Variants in CRMP1 observed in about 807,000 individuals in gnomAD.
CRMP1 encodes collapsin response mediator protein 1, also known as dihydropyrimidinase-related protein 1.
Under a neutral mutation model 68.3 loss-of-function variants are expected in CRMP1, and 19 were observed. The observed-to-expected ratio is 0.28, with a 90% CI of 0.19 to 0.41. CRMP1 has a LOEUF of 0.41. CRMP1 is among the 10% of genes least tolerant of loss of function. The pLI is 1.00. For synonymous variants in CRMP1, 439 were observed against 399.6 expected (o/e 1.10, Z -1.18); for missense variants, 791 against 967.4 (o/e 0.82, Z 2.42).
At position 5,865,701 on chromosome 4, in the gene CRMP1, T is replaced by A. The variant is rs1009299851; in HGVS notation, c.470+967A>T. The stretch of plus-strand genomic sequence containing the variant: ...ACTGAATTGTATCTCCCAAAATTCA[T>A]GTTGAAGCCCCAGCCCACCCCATGG... On this transcript the variant is annotated intron_variant, in intron 2 of 13. Coordinates refer to ENST00000324989, the MANE Select transcript of CRMP1 (RefSeq NM_001014809.3). This position sits in a 1 kb window ranked among gnomAD's most constrained non-coding sequence, Gnocchi z 4.1. Among the ~76,000 whole-genome samples, 1 of 151,822 alleles carries A rather than the reference T, an allele frequency of 6.6e-6. No homozygotes were observed. The highest frequency in any genetic ancestry group is 1.5e-5 in the Non-Finnish European group (1 of 68,008).
At chr4:5,863,016 T>C (rs1713697980) in intron 2 of CRMP1, among the ~76,000 whole-genome samples, 1 of 152,160 alleles carries the variant, frequency 6.6e-6, no homozygotes, top group Non-Finnish European at 1.5e-5. Flanking sequence ...TCTCCCTATG[T>C]TGCCCAGGCT....
chr4:5,828,440 G>A (rs779370155), intron 12 of CRMP1, 49 bp downstream of exon 12: 1 of 1,591,490 alleles, frequency 6.3e-7, no homozygotes, highest in Non-Finnish European at 8.6e-7. Flanking sequence ...AAGAGACGCT[G>A]TCGGCTCTGG....
At position 5,888,458 on chromosome 4, in the gene CRMP1, G is replaced by C; in HGVS notation, c.381+4131C>G. The stretch of plus-strand genomic sequence containing the variant: ...TGCTCGGCCCGCCCGCCGCCGCTCC[G>C]GCTGCCAGCACCGCCCGGATCGGCG... On this transcript the variant is annotated intron_variant, in intron 1 of 13. Transcript: ENST00000324989. The surrounding 1 kb of genome is among the most constrained non-coding windows in gnomAD (Gnocchi z 6.4). 5 of 1,213,022 alleles carry C rather than the reference G, an allele frequency of 4.1e-6. No individual in the cohort carries two copies. Among genetic ancestry groups the C allele is most frequent in the Non-Finnish European group, 5.1e-6 (5 of 976,264 alleles). The allele number at this position is 1,213,022 out of a possible 1,614,324, so 75.1% of individuals were successfully genotyped here.
intron 1 of CRMP1, among the ~76,000 whole-genome samples, chr4:5,885,600 G>C (rs115632903): frequency 6.6e-6 from 1 of 152,062 alleles, no homozygotes; most frequent in Non-Finnish European, 1.5e-5. Flanking sequence ...TTACCTCTGG[G>C]GCCCCATGGG....
rs770405954 is a variant in CRMP1, at chr4:5,849,488, CAG to C, written c.883-18_883-17del. 13 of 1,564,870 alleles carry C rather than the reference CAG, an allele frequency of 8.3e-6. No homozygotes were observed. In the Admixed American group the frequency reaches 1.2e-4, roughly 15 times the overall value. ...CTTCATAGAGCTATGGAGAGATAAA[CAG>C]GGGTTGGTGTGAGATTTAAAAAAAA... On this transcript the variant is annotated splice_polypyrimidine_tract_variant and intron_variant, in intron 5 of 13. Coordinates refer to ENST00000324989, the MANE Select transcript of CRMP1 (RefSeq NM_001014809.3).
At chr4:5,874,191 C>A (rs28711120) in intron 1 of CRMP1, among the ~76,000 whole-genome samples, 2 of 152,112 alleles carry the variant, frequency 1.3e-5, no homozygotes, top group African/African-American at 4.8e-5. Context: ...CACAAAGATG[C>A]GATCCAGAAT....
intron 2 of CRMP1, among the ~76,000 whole-genome samples, chr4:5,862,604 G>A (rs934215087): frequency 3.9e-5 from 6 of 152,170 alleles, no homozygotes; most frequent in African/African-American, 1.4e-4. Context: ...TCTAACAGAG[G>A]ACAGGGTCGC....
intron 12 of CRMP1, chr4:5,826,890 AC>A (rs2152446179): frequency 6.5e-6 from 1 of 152,878 alleles, no homozygotes; most frequent in African/African-American, 2.4e-5. Context: ...AAGACCCAGC[AC>A]CTGCACATCA....
chr4:5,845,898 G>A (rs369757023), intron 6 of CRMP1, among the ~76,000 whole-genome samples: 12 of 152,114 alleles, frequency 7.9e-5, no homozygotes, highest in Admixed American at 2.0e-4. Context: ...ACAGTCTTGC[G>A]AAGAAACCAA....
chr4:5,870,566 G>A lies in CRMP1; in HGVS notation c.382-3810C>T, dbSNP rs1320281968. On this transcript the variant is annotated intron_variant, in intron 1 of 13. Coordinates refer to ENST00000324989, the MANE Select transcript of CRMP1 (RefSeq NM_001014809.3). This position sits in a 1 kb window ranked among gnomAD's most constrained non-coding sequence, Gnocchi z 6.0. Reference sequence around the variant, plus strand: ...CCGGCATCTTGGACACAGCCTGGCTGGCTGCCTGGGTGACTGAACTGATTC... The same window carrying A: ...CCGGCATCTTGGACACAGCCTGGCTAGCTGCCTGGGTGACTGAACTGATTC... 6.6e-6 allele frequency among the ~76,000 whole-genome samples: 1 copy of A among 152,212 alleles called. No homozygotes were observed. Among genetic ancestry groups the A allele is most frequent in the Non-Finnish European group, 1.5e-5 (1 of 68,042 alleles).
rs1237016323 is a variant in CRMP1, at chr4:5,866,618, G to A, written c.470+50C>T. 7.1e-7 allele frequency: 1 copy of A among 1,409,750 alleles called. No homozygotes were observed. The highest frequency in any genetic ancestry group is 1.0e-6 in the Non-Finnish European group (1 of 1,000,338). The allele number at this position is 1,409,750 out of a possible 1,614,324, so 87.3% of individuals were successfully genotyped here. On this transcript the variant is annotated intron_variant, in intron 2 of 13. Coordinates refer to ENST00000324989, the MANE Select transcript of CRMP1 (RefSeq NM_001014809.3). The surrounding 1 kb of genome is among the most constrained non-coding windows in gnomAD (Gnocchi z 5.9). The stretch of plus-strand genomic sequence containing the variant: ...CAGCCTTCTGTTCCATCTAAGGCCA[G>A]GCAGCCTGGCGACACAGGTTTCTTA...
rs1399441132 is a variant in CRMP1 at position 5,824,939 on chromosome 4, A to G, written c.1969+555T>C. Reference sequence around the variant, plus strand: ...GGTCAACATCTAATTTTGTTCCCACACATTTGTTGAGCACCAAGTCCTGGT... The same window carrying G: ...GGTCAACATCTAATTTTGTTCCCACGCATTTGTTGAGCACCAAGTCCTGGT... On this transcript the variant is annotated intron_variant, in intron 13 of 13. Transcript: ENST00000324989. 5 of 985,380 alleles carry G rather than the reference A, an allele frequency of 5.1e-6. No individual in the cohort carries two copies. The African/African-American group carries it at 7.0e-5, about 14-fold the overall frequency. The allele number at this position is 985,380 out of a possible 1,614,324, so 61.0% of individuals were successfully genotyped here.
In CRMP1 at chr4:5,870,830, C is replaced by A. The variant is rs1714384300; in HGVS notation, c.382-4074G>T. On this transcript the variant is annotated intron_variant, in intron 1 of 13. Coordinates refer to ENST00000324989, the MANE Select transcript of CRMP1 (RefSeq NM_001014809.3). This position sits in a 1 kb window ranked among gnomAD's most constrained non-coding sequence, Gnocchi z 6.0. ...ATCCGGGACCAATGGGAAAAAGAGGCCCAGGCTCTGCACGTCCAGGAAGCA... is the reference window on the plus strand; with the variant it reads ...ATCCGGGACCAATGGGAAAAAGAGGACCAGGCTCTGCACGTCCAGGAAGCA... Among the ~76,000 whole-genome samples the A allele has an allele frequency of 6.6e-6, 1 of 152,180 alleles. No individual in the cohort carries two copies. Among genetic ancestry groups the A allele is most frequent in the African/African-American group, 2.4e-5 (1 of 41,440 alleles).
intron 6 of CRMP1, among the ~76,000 whole-genome samples, chr4:5,844,771 C>T (rs761673102): frequency 6.6e-5 from 10 of 152,260 alleles, no homozygotes; most frequent in South Asian, 2.1e-4. Flanking sequence ...GGTGCGTGCA[C>T]GCTGGGAAAC....
In CRMP1 at chr4:5,891,765, C is replaced by T. The variant is rs922664339; in HGVS notation, c.381+824G>A. The stretch of plus-strand genomic sequence containing the variant: ...GCTACGCCGTCCATCCGCCCTTCTT[C>T]CCCCAGTTTCCTGGTGACCCCCAGC... On this transcript the variant is annotated intron_variant, in intron 1 of 13. Coordinates refer to ENST00000324989, the MANE Select transcript of CRMP1 (RefSeq NM_001014809.3). The surrounding 1 kb of genome is among the most constrained non-coding windows in gnomAD (Gnocchi z 5.2). Among the ~76,000 whole-genome samples, 6 of 152,234 alleles carry T rather than the reference C, an allele frequency of 3.9e-5. No homozygotes were observed. The highest frequency in any genetic ancestry group is 1.4e-4 in the African/African-American group (6 of 41,470).
At chr4:5,851,922 G>A (rs563747066) in intron 4 of CRMP1, among the ~76,000 whole-genome samples, 1 of 144,034 alleles carries the variant, frequency 6.9e-6, no homozygotes, top group African/African-American at 2.6e-5. Context: ...AGAAGGAGAA[G>A]AGGAAGAGGA....
intron 1 of CRMP1, among the ~76,000 whole-genome samples, chr4:5,886,467 G>A (rs1042649840): frequency 3.3e-5 from 5 of 152,216 alleles, no homozygotes; most frequent in East Asian, 1.9e-4. Flanking sequence ...CAGCTCCATC[G>A]GCTGGAAAAG....
intron 6 of CRMP1, among the ~76,000 whole-genome samples, chr4:5,847,151 A>G (rs1295615328): frequency 6.6e-6 from 1 of 152,076 alleles, no homozygotes; most frequent in Non-Finnish European, 1.5e-5. Flanking sequence ...GGTGCCTTCT[A>G]TTTTTCCCTT....
Position 5,825,677 on chromosome 4 carries a change from G to C in CRMP1, c.1804-18C>G. On this transcript the variant is annotated intron_variant, in intron 12 of 13. Transcript: ENST00000324989. This position sits in a 1 kb window ranked among gnomAD's most constrained non-coding sequence, Gnocchi z 4.4. The stretch of plus-strand genomic sequence containing the variant: ...CCAAAAACCTAAACAGAGGAAGGGA[G>C]AGTGTGATTGATCGACACTGTGCAT... 1 of 1,611,176 alleles carries C rather than the reference G, an allele frequency of 6.2e-7. No homozygotes were observed. The highest frequency in any genetic ancestry group is 8.5e-7 in the Non-Finnish European group (1 of 1,178,514).
Sources: allele counts gnomAD v4.1 joint callset (sites outside exome capture counted in the v4.1 genomes callset), GRCh38; gene constraint gnomAD v4.1.1; non-coding constraint Gnocchi (gnomAD v3.1); transcripts MANE v1.5; gene names NCBI Gene and HGNC (gene_info 2026-07-23, HGNC 2026-07-21).